Variants in DDB2 observed in about 807,000 individuals in gnomAD.
The protein encoded by DDB2 is damage specific DNA binding protein 2.
DDB2 carries 27 observed loss-of-function variants against 50.5 expected under a neutral mutation model. That is an observed-to-expected ratio of 0.53 (90% confidence interval 0.39 to 0.74). DDB2 has a LOEUF of 0.74. DDB2 is among the 30% of genes least tolerant of loss of function. The probability of loss-of-function intolerance (pLI) is 0.00; values close to 1 mark genes in which losing one functional copy is unlikely to be tolerated. For missense variants in DDB2, 424 were observed against 545.6 expected (o/e 0.78, Z 2.22); for synonymous variants, 176 against 205.5 (o/e 0.86, Z 1.23).
chr11:47,222,614 G>A (rs988017145), intron 3 of DDB2, among the ~76,000 whole-genome samples: 4 of 152,332 alleles, frequency 2.6e-5, no homozygotes, highest in South Asian at 2.1e-4. Context: ...CCAAAGTGCC[G>A]GGATTATAGG....
chr11:47,236,376 T>C (rs1236342077), intron 7 of DDB2, among the ~76,000 whole-genome samples: 1 of 152,242 alleles, frequency 6.6e-6, no homozygotes, highest in Non-Finnish European at 1.5e-5. Flanking sequence ...AGTCCTTTGA[T>C]GCCTTTTTGC....
At chr11:47,226,401 G>A (rs1053970169) in intron 3 of DDB2, among the ~76,000 whole-genome samples, 4 of 151,658 alleles carry the variant, frequency 2.6e-5, no homozygotes, top group African/African-American at 9.7e-5. Context: ...TCAGCCTCCA[G>A]TAGCTGAGAT....
chr11:47,224,544 C>T (rs1463955103), intron 3 of DDB2, among the ~76,000 whole-genome samples: 6 of 152,108 alleles, frequency 3.9e-5, no homozygotes, highest in Admixed American at 3.9e-4. Flanking sequence ...GCCACCTTGC[C>T]CAGCCCATTA....
intron 3 of DDB2, among the ~76,000 whole-genome samples, chr11:47,227,692 A>G (rs1398374163): frequency 6.6e-6 from 1 of 151,866 alleles, no homozygotes; most frequent in Admixed American, 6.6e-5. Context: ...TAATAGTTAA[A>G]CCAACTTTGC....
chr11:47,236,197 T>C (rs963824927), intron 7 of DDB2: 3 of 152,158 alleles, frequency 2.0e-5, no homozygotes, highest in African/African-American at 7.2e-5. Context: ...CCTCCCAAAG[T>C]GCTAGGATTA....
intron 3 of DDB2, among the ~76,000 whole-genome samples, chr11:47,225,240 C>T (rs1365731436): frequency 2.1e-5 from 3 of 140,752 alleles, no homozygotes; most frequent in South Asian, 2.4e-4. Context: ...GCTCCTGGCC[C>T]GATCCTGTGT....
chr11:47,219,882 G>T (rs1012686814), intron 3 of DDB2, among the ~76,000 whole-genome samples: 1 of 152,166 alleles, frequency 6.6e-6, no homozygotes, highest in African/African-American at 2.4e-5. Flanking sequence ...CCGCCTCCCA[G>T]GTTCACGCGA....
chr11:47,239,142 G>A lies in DDB2; in HGVS notation c.*293G>A. The stretch of plus-strand genomic sequence containing the variant: ...CTAAATGACTTTTCTCCTCTCAGTG[G>A]GTGGTAGCAGAGGGATCAAGCAGTT... On this transcript the variant is annotated 3_prime_UTR_variant, in exon 10 of 10. Coordinates refer to ENST00000256996, the MANE Select transcript of DDB2 (RefSeq NM_000107.3). 2.2e-6 allele frequency: 1 copy of A among 452,620 alleles called. No individual in the cohort carries two copies. The highest frequency in any genetic ancestry group is 4.1e-6 in the Non-Finnish European group (1 of 243,788). The allele number at this position is 452,620 out of a possible 1,614,324, so 28.0% of individuals were successfully genotyped here.
intron 4 of DDB2, among the ~76,000 whole-genome samples, chr11:47,234,018 G>C (rs4647747): frequency 0.025 from 3,758 of 152,268 alleles, 161 homozygotes; most frequent in African/African-American, 0.086. Flanking sequence ...GAGCTCTTCT[G>C]GCTGAATAGC....
intron 3 of DDB2, among the ~76,000 whole-genome samples, chr11:47,232,034 AAAAAT>A (rs1953656509): frequency 6.6e-6 from 1 of 152,144 alleles, no homozygotes. Flanking sequence ...AAAAAAAAGT[AAAAAT>A]AAAGCCTTAA....
At chr11:47,236,199 C>G (rs1293552995) in intron 7 of DDB2, 1 of 152,170 alleles carries the variant, frequency 6.6e-6, no homozygotes, top group Non-Finnish European at 1.5e-5. Flanking sequence ...TCCCAAAGTG[C>G]TAGGATTACA....
Position 47,217,058 on chromosome 11 carries a change from T to C in DDB2, c.456+9T>C. ...CCACCTTCATCAAAGGGGTGAGCAG[T>C]TCCCCATGCCAGGTCGTGCTAAAGA... On this transcript the variant is annotated intron_variant, in intron 3 of 9. Coordinates refer to ENST00000256996, the MANE Select transcript of DDB2 (RefSeq NM_000107.3). 1 of 1,612,030 alleles carries C rather than the reference T, an allele frequency of 6.2e-7. No homozygotes were observed. The highest frequency in any genetic ancestry group is 1.3e-5 in the African/African-American group (1 of 74,988).
At chr11:47,229,202 T>C (rs756332364) in intron 3 of DDB2, among the ~76,000 whole-genome samples, 1 of 151,904 alleles carries the variant, frequency 6.6e-6, no homozygotes, top group Non-Finnish European at 1.5e-5. Context: ...GCTCAGTACA[T>C]AGAGACTGGG....
intron 3 of DDB2, among the ~76,000 whole-genome samples, chr11:47,222,978 T>C (rs1354035075): frequency 6.6e-6 from 1 of 152,248 alleles, no homozygotes; most frequent in Non-Finnish European, 1.5e-5. Flanking sequence ...TCATATTTCT[T>C]ATAATGCAGA....
intron 1 of DDB2, chr11:47,215,957 C>A: frequency 2.9e-6 from 1 of 339,008 alleles, no homozygotes; most frequent in Non-Finnish European, 5.7e-6. Context: ...GCCCTAAAAT[C>A]TTTTTATTGT....
chr11:47,229,909 C>T (rs1351018954), intron 3 of DDB2: 3 of 360,348 alleles, frequency 8.3e-6, no homozygotes, highest in South Asian at 4.3e-5. Flanking sequence ...TAGCTAACTA[C>T]AGCCTTGAAC....
At chr11:47,223,424 A>G (rs1017835289) in intron 3 of DDB2, among the ~76,000 whole-genome samples, 5 of 151,938 alleles carry the variant, frequency 3.3e-5, no homozygotes, top group African/African-American at 1.2e-4. Flanking sequence ...CAGAGGTTGC[A>G]GTGAGCCGAG....
chr11:47,235,379 T>G lies in DDB2; in HGVS notation c.990T>G (p.Pro330=). ...WDCPLGLIPH[P]HRHFQHLTPI... ...GCCCCCTGGGCCTGATCCCGCACCC[T>G]CACCGTCACTTCCAGCACCTCACAC... Residue 330 remains proline (P), a synonymous_variant, in exon 7 of 10, where the codon CCT becomes CCG. Transcript: ENST00000256996. 4.3e-6 allele frequency: 7 copies of G among 1,613,634 alleles called. No homozygotes were observed. The highest frequency in any genetic ancestry group is 5.9e-6 in the Non-Finnish European group (7 of 1,180,028).
intron 7 of DDB2, among the ~76,000 whole-genome samples, chr11:47,237,397 C>G (rs1271392116): frequency 2.0e-5 from 3 of 151,624 alleles, no homozygotes; most frequent in Admixed American, 2.0e-4. Flanking sequence ...TAAGACTTAT[C>G]TCCATTATTA....
Sources: allele counts gnomAD v4.1 joint callset (sites outside exome capture counted in the v4.1 genomes callset), GRCh38; gene constraint gnomAD v4.1.1; transcripts MANE v1.5; gene names NCBI Gene and HGNC (gene_info 2026-07-23, HGNC 2026-07-21).